MYO6: variants seen among roughly 807,000 people sequenced by gnomAD.
The protein encoded by MYO6 is unconventional myosin-VI.
A neutral mutation model predicts 178.7 loss-of-function variants in MYO6; 74 were observed. That is an observed-to-expected ratio of 0.41 (90% confidence interval 0.34 to 0.50). The LOEUF is 0.50. MYO6 is among the 20% of genes least tolerant of loss of function. The pLI is 0.09. For synonymous variants in MYO6, 477 were observed against 504.6 expected, an observed-to-expected ratio of 0.95 and a Z score of 0.73; for missense variants, 1,330 against 1,547.4, an observed-to-expected ratio of 0.86 and a Z score of 2.36.
At chr6:75,841,582 T>C (rs1774231756) in intron 9 of MYO6, among the ~76,000 whole-genome samples, 1 of 151,854 alleles carries the variant, frequency 6.6e-6, no homozygotes, top group South Asian at 2.1e-4. Context: ...TAGTTCCAGC[T>C]ACTCGGGAGG....
intron 1 of MYO6, among the ~76,000 whole-genome samples, chr6:75,754,323 C>T (rs1218085647): frequency 1.3e-5 from 2 of 151,812 alleles, no homozygotes; most frequent in African/African-American, 4.8e-5. Flanking sequence ...GAGTTCAGAC[C>T]AGCCTGGGCA....
At chr6:75,913,823 T>C (rs1449162332) in intron 33 of MYO6, among the ~76,000 whole-genome samples, 1 of 152,078 alleles carries the variant, frequency 6.6e-6, no homozygotes, top group Non-Finnish European at 1.5e-5. Context: ...GTGGTGGTGG[T>C]AGTGGTATGT....
chr6:75,831,146 G>T (rs1773035840), intron 5 of MYO6, among the ~76,000 whole-genome samples: 1 of 152,234 alleles, frequency 6.6e-6, no homozygotes, highest in Admixed American at 6.5e-5. Context: ...AGTCATAGAG[G>T]TTGGAGGTTT....
intron 9 of MYO6, 149 bp downstream of exon 9, chr6:75,841,527 A>C: frequency 1.5e-6 from 1 of 671,214 alleles, no homozygotes; most frequent in Non-Finnish European, 2.4e-6. Flanking sequence ...TGTCTCTAAA[A>C]AAAAAAAATA....
rs1387806088 is a variant in MYO6, at chr6:75,862,706, G to A, written c.1657G>A (p.Asp553Asn). 1.2e-6 allele frequency: 2 copies of A among 1,614,054 alleles called. No homozygotes were observed. Among genetic ancestry groups the A allele is most frequent in the Non-Finnish European group, 1.7e-6 (2 of 1,179,992 alleles). The part of the protein sequence containing the change: ...FTSAVHQKHK[D>N]HFRLTIPRKS... ...ATCTGCAGTTCACCAAAAGCACAAG[G>A]ATCATTTTCGACTCACTGTGAGTTT... The change falls in exon 16 of 35, where the codon GAT becomes AAT. Residue 553 changes from aspartate (D) to asparagine (N), a missense_variant. By Grantham distance (23) the Asp-to-Asn change is conservative. Coordinates refer to ENST00000369977, the MANE Select transcript of MYO6 (RefSeq NM_004999.4).
intron 15 of MYO6, 61 bp from the exon 16 acceptor site, chr6:75,862,535 C>G (rs1377547239): frequency 7.0e-7 from 1 of 1,425,588 alleles, no homozygotes; most frequent in Non-Finnish European, 9.8e-7. Context: ...GTGAATTGTT[C>G]ACATATCTTT....
chr6:75,828,699 T>G lies in MYO6; in HGVS notation c.261+86T>G, dbSNP rs181687985. Reference sequence around the variant, plus strand: ...TGATTTTGTCACGCTTGAAATTGTCTAACAGAAAATCATGCTTGATCTGAG... The same window carrying G: ...TGATTTTGTCACGCTTGAAATTGTCGAACAGAAAATCATGCTTGATCTGAG... On this transcript the variant is annotated intron_variant, in intron 4 of 34. Transcript: ENST00000369977. The G allele has an allele frequency of 6.8e-6, 6 of 882,222 alleles. No individual in the cohort carries two copies. The East Asian group carries it at 1.5e-4, about 22-fold the overall frequency. The allele number at this position is 882,222 out of a possible 1,614,324, so 54.6% of individuals were successfully genotyped here.
chr6:75,753,141 A>T (rs1777040153), intron 1 of MYO6, among the ~76,000 whole-genome samples: 3 of 152,160 alleles, frequency 2.0e-5, no homozygotes, highest in Admixed American at 2.0e-4. Context: ...ACTAGGAATC[A>T]TGCATTTCAG....
chr6:75,916,122 T>C lies in MYO6; in HGVS notation c.*1110T>C, dbSNP rs563787398. 7.2e-5 allele frequency: 11 copies of C among 152,280 alleles called. No individual in the cohort carries two copies. The East Asian group carries it at 2.1e-3, about 29-fold the overall frequency. 9.4% of individuals were successfully genotyped at this position (152,280 alleles called of 1,614,324 possible). A position where few individuals can be genotyped will look rare whatever the true frequency, so the allele number is the denominator to read the frequency against. On this transcript the variant is annotated 3_prime_UTR_variant, in exon 35 of 35. Transcript: ENST00000369977. The stretch of plus-strand genomic sequence containing the variant: ...CAAATGTCAGCAGCTTTAAGCCTAA[T>C]ATTTATGACTTTCACATTTGGAATT...
chr6:75,909,781 A>T (rs1246323874), intron 32 of MYO6, among the ~76,000 whole-genome samples: 1 of 152,136 alleles, frequency 6.6e-6, no homozygotes, highest in Non-Finnish European at 1.5e-5. Flanking sequence ...TATTCCCAAC[A>T]GTTGATAGTA....
intron 6 of MYO6, among the ~76,000 whole-genome samples, chr6:75,835,196 G>A (rs1478173849): frequency 6.6e-6 from 1 of 152,084 alleles, no homozygotes; most frequent in Non-Finnish European, 1.5e-5. Flanking sequence ...TTATGAATAT[G>A]ATATATTTAA....
intron 1 of MYO6, among the ~76,000 whole-genome samples, chr6:75,765,182 T>C (rs1405630944): frequency 9.2e-5 from 11 of 119,128 alleles, no homozygotes; most frequent in African/African-American, 3.6e-4. Context: ...TTTTTTTTTT[T>C]TTTTTTTTTT....
At chr6:75,801,068 G>A (rs895457093) in intron 1 of MYO6, among the ~76,000 whole-genome samples, 1 of 152,088 alleles carries the variant, frequency 6.6e-6, no homozygotes, top group African/African-American at 2.4e-5. Flanking sequence ...GCCATGATTA[G>A]CCATATGGAT....
chr6:75,897,612 G>A (rs1369973744), intron 29 of MYO6, among the ~76,000 whole-genome samples: 1 of 152,138 alleles, frequency 6.6e-6, no homozygotes, highest in Non-Finnish European at 1.5e-5. Flanking sequence ...AAGGGTTTGA[G>A]GTTACTAGAG....
rs1204237673 is a variant in MYO6, at chr6:75,873,273, C to G, written c.2050C>G (p.Gln684Glu). Reference sequence around the variant, plus strand: ...GACAAGCCACCACTTTGAAGGTGCTCAAATTCTGTCTCAGCTTCAGTGTTC... The same window carrying G: ...GACAAGCCACCACTTTGAAGGTGCTGAAATTCTGTCTCAGCTTCAGTGTTC... ...KMTSHHFEGA[Q>E]ILSQLQCSGM... The change falls in exon 20 of 35, where the codon CAA (glutamine) becomes GAA (glutamate). Residue 684 changes from glutamine (Q) to glutamate (E), a missense_variant. Around this residue, in one of 3 missense-constraint regions of MYO6, gnomAD observed 613 missense variants for 816.8 expected, o/e 0.75. Coordinates refer to ENST00000369977, the MANE Select transcript of MYO6 (RefSeq NM_004999.4). 29 of 1,613,646 alleles carry G rather than the reference C, an allele frequency of 1.8e-5. No individual in the cohort carries two copies. The highest frequency in any genetic ancestry group is 2.3e-5 in the Non-Finnish European group (27 of 1,179,728).
chr6:75,792,833 A>G (rs771860984), intron 1 of MYO6, among the ~76,000 whole-genome samples: 19 of 152,028 alleles, frequency 1.2e-4, no homozygotes, highest in Admixed American at 3.3e-4. Context: ...GCCCAGGCCA[A>G]TGTGTGGTGG....
At chr6:75,886,795 A>G (rs764399443) in intron 24 of MYO6, 49 bp from the exon 25 acceptor site, 3 of 1,584,686 alleles carry the variant, frequency 1.9e-6, no homozygotes, top group East Asian at 2.2e-5. Flanking sequence ...AAATCTGCCA[A>G]AAGTACTAAA....
In MYO6 at chr6:75,816,645, G is replaced by T. The variant is rs1771276652; in HGVS notation, c.-47-856G>T. Among the ~76,000 whole-genome samples the T allele has an allele frequency of 1.3e-5, 2 of 152,204 alleles. 1 individual carries two copies. The highest frequency in any genetic ancestry group is 4.1e-4 in the South Asian group (2 of 4,828). ...AACAACAAAAATGGCATACTGAGTA[G>T]TTCCGTGAGGATGAGCTTCGGGAGC... On this transcript the variant is annotated intron_variant, in intron 1 of 34. Transcript: ENST00000369977.
rs185709968 is a variant in MYO6 at position 75,880,409 on chromosome 6, T to C, written c.2286+289T>C. Among the ~76,000 whole-genome samples the C allele has an allele frequency of 5.9e-5, 9 of 152,304 alleles. No homozygotes were observed. The East Asian group carries it at 1.5e-3, about 26-fold the overall frequency. On this transcript the variant is annotated intron_variant, in intron 22 of 34. Transcript: ENST00000369977. Reference sequence around the variant, plus strand: ...AGTCTTTTGGCTTCCCTGAGCCACATTGGAAGAAGAACAGTTGTCCTGGGC... The same window carrying C: ...AGTCTTTTGGCTTCCCTGAGCCACACTGGAAGAAGAACAGTTGTCCTGGGC...
Sources: gnomAD v4.1 joint callset for allele counts (sites outside exome capture counted in the v4.1 genomes callset) on GRCh38, gnomAD v4.1.1 for gene constraint, gnomAD v4.1.1 regional missense constraint, MANE v1.5 for transcripts, NCBI Gene and HGNC (gene_info 2026-07-23, HGNC 2026-07-21) for gene names.